The following PROS1 variants were observed in gnomAD, a reference collection of about 807,000 sequenced individuals.
PROS1 encodes the protein vitamin K-dependent protein S.
PROS1 carries 29 observed loss-of-function variants against 75.9 expected under a neutral mutation model. The ratio of observed to expected loss-of-function variants is 0.38; its 90% confidence interval spans 0.28 to 0.52. The LOEUF (loss-of-function observed/expected upper bound fraction) is 0.52. Among genes scored for constraint, PROS1 ranks in the 20% least tolerant of loss-of-function variants. The pLI is 0.83. For synonymous variants in PROS1, 245 were observed against 280.6 expected (o/e 0.87, Z 1.27); for missense variants, 680 against 810.3 (o/e 0.84, Z 1.95).
chr3:93,973,577 G>A, intron 1 of PROS1, 97 bp downstream of exon 1: 1 of 1,316,800 alleles, frequency 7.6e-7, no homozygotes, highest in South Asian at 1.2e-5. Context: ...AACTTTCTAG[G>A]AGGCTGCAGC....
chr3:93,880,194 T>A (rs1340876364), intron 12 of PROS1, among the ~76,000 whole-genome samples: 1 of 152,180 alleles, frequency 6.6e-6, no homozygotes. Context: ...TTTTTCATTA[T>A]AATCCTGTAA....
At chr3:93,887,570 C>T (rs1413241241) in intron 10 of PROS1, among the ~76,000 whole-genome samples, 1 of 152,162 alleles carries the variant, frequency 6.6e-6, no homozygotes, top group Non-Finnish European at 1.5e-5. Context: ...AAAAACTATC[C>T]TCCAACATAA....
In PROS1 at chr3:93,936,087, T is replaced by TC. The variant is rs541442114; in HGVS notation, c.77-8681dup. Among the ~76,000 whole-genome samples the TC allele has an allele frequency of 1.2e-3, 173 of 146,310 alleles. 1 individual carries two copies. Among genetic ancestry groups the TC allele is most frequent in the African/African-American group, 3.9e-3 (157 of 39,988 alleles). On this transcript the variant is annotated intron_variant, in intron 1 of 14. Coordinates refer to ENST00000394236, the MANE Select transcript of PROS1 (RefSeq NM_000313.4). ...GTTATGGACTGAATGTGTCCCCATC[T>TC]CCCCCCCACACCCCTTCCCCGCTCC...
rs1056898214 is a variant in PROS1 at position 93,873,160 on chromosome 3, G to T, written c.*1085C>A. The T allele has an allele frequency of 2.5e-4, 38 of 152,110 alleles. No homozygotes were observed. The highest frequency in any genetic ancestry group is 7.2e-4 in the African/African-American group (30 of 41,420). The allele number at this position is 152,110 out of a possible 1,614,324, so 9.4% of individuals were successfully genotyped here. A position where few individuals can be genotyped will look rare whatever the true frequency, so the allele number is the denominator to read the frequency against. On this transcript the variant is annotated 3_prime_UTR_variant, in exon 15 of 15. Coordinates refer to ENST00000394236, the MANE Select transcript of PROS1 (RefSeq NM_000313.4). ...TAAGTGATATAAAATACAGTGAAAA[G>T]AATTTATTGTTAAAAACTGTCAGTG...
intron 4 of PROS1, among the ~76,000 whole-genome samples, chr3:93,908,104 T>C (rs1454216795): frequency 6.6e-6 from 1 of 152,044 alleles, no homozygotes; most frequent in Non-Finnish European, 1.5e-5. Context: ...GCTGAGATCA[T>C]GCCACTGTGA....
Position 93,973,699 on chromosome 3 carries a change from TAGG to T in PROS1, c.48_50del (p.Leu17del). The T allele has an allele frequency of 6.2e-7, 1 of 1,613,888 alleles. No homozygotes were observed. The highest frequency in any genetic ancestry group is 8.5e-7 in the Non-Finnish European group (1 of 1,179,894). On this transcript the variant is annotated inframe_deletion, in exon 1 of 15. Transcript: ENST00000394236. The stretch of plus-strand genomic sequence containing the variant: ...AGTTTGCCTCTGAGACGGGAAGCAC[TAGG>T]AGGAGACACGCCAGCAGCGCCCCGC...
At chr3:93,928,771 T>C (rs1207704390) in intron 1 of PROS1, 1 of 1,287,720 alleles carries the variant, frequency 7.8e-7, no homozygotes, top group Non-Finnish European at 1.0e-6. Context: ...CGGTTGTATA[T>C]AAAATCATTT....
At chr3:93,971,884 G>A (rs1222819572) in intron 1 of PROS1, among the ~76,000 whole-genome samples, 1 of 152,060 alleles carries the variant, frequency 6.6e-6, no homozygotes, top group Non-Finnish European at 1.5e-5. Flanking sequence ...TTCCTCATAA[G>A]TAAACCACAG....
intron 1 of PROS1, among the ~76,000 whole-genome samples, chr3:93,973,092 G>C (rs1191066128): frequency 6.6e-6 from 1 of 152,040 alleles, no homozygotes; most frequent in Non-Finnish European, 1.5e-5. Flanking sequence ...CAGTACAAAC[G>C]ATCTGAGAAA....
chr3:93,954,264 C>T (rs542819762), intron 1 of PROS1, among the ~76,000 whole-genome samples: 49 of 152,250 alleles, frequency 3.2e-4, no homozygotes, highest in Admixed American at 7.9e-4. Flanking sequence ...GCCCGCATTG[C>T]CAAGACAATC....
At chr3:93,891,329 A>G (rs894475353) in intron 10 of PROS1, among the ~76,000 whole-genome samples, 9 of 152,172 alleles carry the variant, frequency 5.9e-5, no homozygotes, top group Admixed American at 5.9e-4. Context: ...ATCCCTTCAG[A>G]AAAGTCCCAC....
rs1465989734 is a variant in PROS1, at chr3:93,874,258, G to T, written c.2018C>A (p.Thr673Lys). The T allele has an allele frequency of 2.0e-5, 33 of 1,613,354 alleles. No homozygotes were observed. Among genetic ancestry groups the T allele is most frequent in the Non-Finnish European group, 2.7e-5 (32 of 1,179,478 alleles). Reference sequence around the variant, plus strand: ...AGAAAAGATGCCTTAAGAATTCTTTGTCTTTTTCCAAACTGATGGACATGA... The same window carrying T: ...AGAAAAGATGCCTTAAGAATTCTTTTTCTTTTTCCAAACTGATGGACATGA... ...AHSCPSVWKK[T>K]KNS is the part of the protein sequence containing the mutation. Residue 673 changes from threonine (T) to lysine (K), a missense_variant, in exon 15 of 15, where the codon ACA (threonine) becomes AAA (lysine). Coordinates refer to ENST00000394236, the MANE Select transcript of PROS1 (RefSeq NM_000313.4).
Position 93,875,378 on chromosome 3 carries a change from T to A in PROS1, c.1871-973A>T, listed in dbSNP as rs374135743. Among the ~76,000 whole-genome samples, 6 of 152,214 alleles carry A rather than the reference T, an allele frequency of 3.9e-5. No homozygotes were observed. In the East Asian group the frequency reaches 7.7e-4, roughly 20 times the overall value. On this transcript the variant is annotated intron_variant, in intron 14 of 14. Coordinates refer to ENST00000394236, the MANE Select transcript of PROS1 (RefSeq NM_000313.4). ...TCTTAATATCTCAATATTTAGCTCC[T>A]CTCAAATCTTCCCCACTCTTTCTCT...
At chr3:93,916,497 T>C (rs1222850424) in intron 3 of PROS1, among the ~76,000 whole-genome samples, 2 of 152,156 alleles carry the variant, frequency 1.3e-5, no homozygotes, top group African/African-American at 4.8e-5. Flanking sequence ...TGGAAAAGTG[T>C]GTTCAGAATT....
chr3:93,875,622 ACC>A (rs1461217175), intron 14 of PROS1, among the ~76,000 whole-genome samples: 13 of 123,580 alleles, frequency 1.1e-4, no homozygotes, highest in Admixed American at 1.9e-4. Context: ...CTCACTACTT[ACC>A]TCTATCTATC....
chr3:93,885,376 C>A (rs1028373016), intron 11 of PROS1, among the ~76,000 whole-genome samples: 4 of 152,158 alleles, frequency 2.6e-5, no homozygotes, highest in African/African-American at 9.7e-5. Context: ...CAGGTGCCCA[C>A]CACCACGCCT....
chr3:93,902,626 G>A (rs1336922696), intron 6 of PROS1, among the ~76,000 whole-genome samples: 3 of 151,796 alleles, frequency 2.0e-5, no homozygotes, highest in Admixed American at 1.3e-4. Flanking sequence ...GGTGGCATGC[G>A]TCTGTAGTCC....
At chr3:93,955,536 T>C (rs1226332590) in intron 1 of PROS1, among the ~76,000 whole-genome samples, 1 of 150,344 alleles carries the variant, frequency 6.7e-6, no homozygotes, top group African/African-American at 2.5e-5. Context: ...TGAGAACAGT[T>C]GGACACGGGA....
At chr3:93,894,250 A>T (rs8178640) in intron 9 of PROS1, among the ~76,000 whole-genome samples, 2,502 of 152,248 alleles carry the variant, frequency 0.016, 80 homozygotes, top group African/African-American at 0.057. Flanking sequence ...AACAAAGAAA[A>T]GGTGACAAAA....
Sources: gnomAD v4.1 joint callset for allele counts (sites outside exome capture counted in the v4.1 genomes callset) on GRCh38, gnomAD v4.1.1 for gene constraint, MANE v1.5 for transcripts, NCBI Gene and HGNC (gene_info 2026-07-23, HGNC 2026-07-21) for gene names.